NAA15: variants seen among roughly 807,000 people sequenced by gnomAD.
The protein encoded by NAA15 is N-alpha-acetyltransferase 15, NatA auxiliary subunit.
In NAA15, 34 loss-of-function variants were observed where a neutral mutation model predicts 114.0. That is an observed-to-expected ratio of 0.30 (90% confidence interval 0.23 to 0.40). The LOEUF (loss-of-function observed/expected upper bound fraction) is 0.40, where lower values mean the gene tolerates loss of function less well. NAA15 is among the 10% of genes least tolerant of loss of function. The probability of loss-of-function intolerance (pLI) is 1.00; values close to 1 mark genes in which losing one functional copy is unlikely to be tolerated. For missense variants in NAA15, 658 were observed against 1,004.5 expected (o/e 0.66, Z 4.66); for synonymous variants, 340 against 338.0 (o/e 1.01, Z -0.06).
At chr4:139,337,959 T>C (rs996324566) in intron 3 of NAA15, among the ~76,000 whole-genome samples, 17 of 152,224 alleles carry the variant, frequency 1.1e-4, no homozygotes, top group African/African-American at 3.6e-4. Flanking sequence ...GGCTTAACTA[T>C]TAAGACTGTC....
chr4:139,302,068 T>C (rs911097913), intron 1 of NAA15: 9 of 410,262 alleles, frequency 2.2e-5, no homozygotes, highest in Admixed American at 1.3e-4. Flanking sequence ...GGTTCCGGAC[T>C]AGGCCCCGAC....
At chr4:139,306,014 T>G (rs1745998845) in intron 1 of NAA15, among the ~76,000 whole-genome samples, 2 of 152,326 alleles carry the variant, frequency 1.3e-5, no homozygotes, top group South Asian at 4.1e-4. Context: ...TTTGCAAAAA[T>G]TTTAGAGTTT....
rs201105458 is a variant in NAA15 at position 139,314,997 on chromosome 4, TC to T, written c.54+13167del. ...GGCCTAGAGAAGCGTTCAGTTCAGT[TC>T]AGTTTAGTTTAGGTTAGGTTAGGTT... is the stretch of plus-strand genomic sequence containing the variant. On this transcript the variant is annotated intron_variant, in intron 1 of 19. Coordinates refer to ENST00000296543, the MANE Select transcript of NAA15 (RefSeq NM_057175.5). 5.3e-4 allele frequency among the ~76,000 whole-genome samples: 34 copies of T among 63,882 alleles called. 2 individuals are homozygous for T. The highest frequency in any genetic ancestry group is 1.8e-3 in the African/African-American group (22 of 12,424). The allele number at this position is 63,882 out of a possible 152,430, so 41.9% of individuals were successfully genotyped here.
chr4:139,370,091 C>T lies in NAA15; in HGVS notation c.1754-120C>T, dbSNP rs965788196. ...AAGTGCTGGGATTATAGGCATGAGA[C>T]GCCATGCCCAGCCTCATGCAATATT... On this transcript the variant is annotated intron_variant, in intron 14 of 19. Coordinates refer to ENST00000296543, the MANE Select transcript of NAA15 (RefSeq NM_057175.5). 17 of 813,606 alleles carry T rather than the reference C, an allele frequency of 2.1e-5. No homozygotes were observed. In the East Asian group the frequency reaches 4.3e-4, roughly 21 times the overall value. The allele number at this position is 813,606 out of a possible 1,614,324, so 50.4% of individuals were successfully genotyped here.
At position 139,391,205 on chromosome 4, in the gene NAA15, G is replaced by A. The variant is rs532142550; in HGVS notation, c.*3121G>A. On this transcript the variant is annotated 3_prime_UTR_variant, in exon 20 of 20. Coordinates refer to ENST00000296543, the MANE Select transcript of NAA15 (RefSeq NM_057175.5). Reference sequence around the variant, plus strand: ...CCCACTTCTTTAAGTTATAAACAAAGTTTCATGATACCATTCTGCTATCAT... The same window carrying A: ...CCCACTTCTTTAAGTTATAAACAAAATTTCATGATACCATTCTGCTATCAT... The A allele has an allele frequency of 2.0e-5, 3 of 152,254 alleles. No individual in the cohort carries two copies. Among genetic ancestry groups the A allele is most frequent in the East Asian group, 3.9e-4 (2 of 5,188 alleles). The allele number at this position is 152,254 out of a possible 1,614,324, so 9.4% of individuals were successfully genotyped here.
At chr4:139,341,661 A>C (rs191516716) in intron 4 of NAA15, among the ~76,000 whole-genome samples, 1 of 149,064 alleles carries the variant, frequency 6.7e-6, no homozygotes, top group Non-Finnish European at 1.5e-5. Context: ...TTTGTCTAGT[A>C]TTGACATGTA....
At chr4:139,365,253 G>T (rs1748245568) in intron 14 of NAA15, among the ~76,000 whole-genome samples, 2 of 152,030 alleles carry the variant, frequency 1.3e-5, no homozygotes, top group Admixed American at 1.3e-4. Flanking sequence ...GGTCGGGCTG[G>T]TCTCGAACGC....
intron 10 of NAA15, among the ~76,000 whole-genome samples, chr4:139,356,949 T>C (rs1747974014): frequency 6.6e-6 from 1 of 151,774 alleles, no homozygotes; most frequent in African/African-American, 2.4e-5. Flanking sequence ...TATAACAGTT[T>C]GGTGCATTAG....
At chr4:139,316,459 A>G (rs956695427) in intron 1 of NAA15, among the ~76,000 whole-genome samples, 1 of 151,820 alleles carries the variant, frequency 6.6e-6, no homozygotes, top group Non-Finnish European at 1.5e-5. Flanking sequence ...CATGTTTTAC[A>G]AGTTCCTGTT....
chr4:139,315,010 G>GTTCA (rs57588273), intron 1 of NAA15, among the ~76,000 whole-genome samples: 62 of 101,212 alleles, frequency 6.1e-4, no homozygotes, highest in African/African-American at 2.5e-3. Context: ...GTTTAGTTTA[G>GTTCA]GTTAGGTTAG....
At chr4:139,351,028 A>G (rs1747762877) in intron 7 of NAA15, among the ~76,000 whole-genome samples, 163 bp from the exon 8 acceptor site, 1 of 152,218 alleles carries the variant, frequency 6.6e-6, no homozygotes, top group African/African-American at 2.4e-5. Context: ...ATTGAAAAGA[A>G]ATAGTCTAAA....
chr4:139,339,578 G>A (rs1158977995), intron 3 of NAA15, among the ~76,000 whole-genome samples: 2 of 152,004 alleles, frequency 1.3e-5, no homozygotes, highest in African/African-American at 2.4e-5. Flanking sequence ...GTGAAACCCT[G>A]TCTCTACTAA....
Position 139,301,724 on chromosome 4 carries a change from C to A in NAA15, c.-54C>A. ...CGGAACGGCAGCGGCGGCGGTCGGA[C>A]AAACTGACTGACCGAGCCGGGTGGT... On this transcript the variant is annotated 5_prime_UTR_variant, in exon 1 of 20. Transcript: ENST00000296543. The A allele has an allele frequency of 6.5e-7, 1 of 1,531,392 alleles. No individual in the cohort carries two copies. The highest frequency in any genetic ancestry group is 8.8e-7 in the Non-Finnish European group (1 of 1,133,152). 94.9% of individuals were successfully genotyped at this position (1,531,392 alleles called of 1,614,324 possible).
chr4:139,360,670 C>G, intron 13 of NAA15, 42 bp downstream of exon 13: 1 of 1,518,358 alleles, frequency 6.6e-7, no homozygotes. Flanking sequence ...TTTATTCTGT[C>G]GATGGTTTTG....
In NAA15 at chr4:139,344,216, A is replaced by C; in HGVS notation, c.568A>C (p.Ser190Arg). ...TSPDKVDYEY[S>R]ELLLYQNQVL... ...CCCTGACAAGGTGGATTATGAATAT[A>C]GTGAACTACTCTTATATCAGAATCA... is the stretch of plus-strand genomic sequence containing the variant. Residue 190 changes from serine to arginine, a missense_variant, in exon 6 of 20, where the codon AGT becomes CGT. By Grantham distance (110) the Ser-to-Arg change is moderately radical. Coordinates refer to ENST00000296543, the MANE Select transcript of NAA15 (RefSeq NM_057175.5). 6.2e-7 allele frequency: 1 copy of C among 1,611,744 alleles called. No homozygotes were observed. Among genetic ancestry groups the C allele is most frequent in the Non-Finnish European group, 8.5e-7 (1 of 1,178,788 alleles).
chr4:139,302,069 A>G, intron 1 of NAA15: 3 of 411,574 alleles, frequency 7.3e-6, no homozygotes, highest in East Asian at 7.3e-5. Flanking sequence ...GTTCCGGACT[A>G]GGCCCCGACC....
chr4:139,384,862 C>T lies in NAA15; in HGVS notation c.2186C>T (p.Thr729Ile). The T allele has an allele frequency of 6.6e-7, 1 of 1,508,532 alleles. No individual in the cohort carries two copies. Among genetic ancestry groups the T allele is most frequent in the Non-Finnish European group, 8.9e-7 (1 of 1,120,424 alleles). The allele number at this position is 1,508,532 out of a possible 1,614,324, so 93.4% of individuals were successfully genotyped here. A position where few individuals can be genotyped will look rare whatever the true frequency, so the allele number is the denominator to read the frequency against. ...AVCESKDLSD[T>I]VRTVLKQEMN... Reference sequence around the variant, plus strand: ...TGTGAAAGTAAAGATTTATCTGATACAGTTAGAACAGTATTAAAACAAGAA... The same window carrying T: ...TGTGAAAGTAAAGATTTATCTGATATAGTTAGAACAGTATTAAAACAAGAA... Residue 729 changes from threonine (T) to isoleucine (I), a missense_variant, in exon 18 of 20, where the codon ACA becomes ATA. Physicochemically the swap from Thr to Ile is moderately conservative, Grantham distance 89. Transcript: ENST00000296543.
Position 139,375,023 on chromosome 4 carries a change from C to T in NAA15, c.1948-1342C>T, listed in dbSNP as rs183651403. 6.6e-5 allele frequency among the ~76,000 whole-genome samples: 10 copies of T among 152,270 alleles called. No individual in the cohort carries two copies. The East Asian group carries it at 1.5e-3, about 24-fold the overall frequency. On this transcript the variant is annotated intron_variant, in intron 15 of 19. Coordinates refer to ENST00000296543, the MANE Select transcript of NAA15 (RefSeq NM_057175.5). ...TTACCCTGGTCAATACACTGACCCTCATTTCAGTCTGTACCCTACTGTACC... is the reference window on the plus strand; with the variant it reads ...TTACCCTGGTCAATACACTGACCCTTATTTCAGTCTGTACCCTACTGTACC...
chr4:139,322,670 AC>A (rs1258735234), intron 1 of NAA15, among the ~76,000 whole-genome samples: 1 of 151,948 alleles, frequency 6.6e-6, no homozygotes, highest in African/African-American at 2.4e-5. Context: ...TGTTCAGCCT[AC>A]TCTGTGTGAG....
Sources: allele counts gnomAD v4.1 joint callset (sites outside exome capture counted in the v4.1 genomes callset), GRCh38; gene constraint gnomAD v4.1.1; transcripts MANE v1.5; gene names NCBI Gene and HGNC (gene_info 2026-07-23, HGNC 2026-07-21).